Variants in NRP1 observed in about 807,000 individuals in gnomAD.
The protein encoded by NRP1 is neuropilin 1.
In NRP1, 35 loss-of-function variants were observed where a neutral mutation model predicts 106.7. That is an observed-to-expected ratio of 0.33 (90% CI 0.25 to 0.43). NRP1 has a LOEUF of 0.43. Ranked by LOEUF, NRP1 falls within the 20% of genes least tolerant of loss-of-function variation. The pLI is 1.00. For missense variants in NRP1, 1,024 were observed against 1,170.4 expected, an observed-to-expected ratio of 0.87 and a Z score of 1.83; for synonymous variants, 437 against 417.9, an observed-to-expected ratio of 1.05 and a Z score of -0.56.
Position 33,317,570 on chromosome 10 carries a change from T to C in NRP1, c.248+13138A>G, listed in dbSNP as rs145172316. 4.1e-4 allele frequency among the ~76,000 whole-genome samples: 62 copies of C among 152,360 alleles called. No homozygotes were observed. The East Asian group carries it at 0.011, about 28-fold the overall frequency. ...TGACACTATTTTGTTGAATGGATTGTCAAGGACTGGCAACCCTGTGTAATA... is the reference window on the plus strand; with the variant it reads ...TGACACTATTTTGTTGAATGGATTGCCAAGGACTGGCAACCCTGTGTAATA... On this transcript the variant is annotated intron_variant, in intron 2 of 16. Transcript: ENST00000374867.
chr10:33,237,214 G>A (rs1295078323), intron 6 of NRP1, among the ~76,000 whole-genome samples: 1 of 152,216 alleles, frequency 6.6e-6, no homozygotes, highest in East Asian at 1.9e-4. Flanking sequence ...CACATTTACT[G>A]TATGCCAGGA....
chr10:33,298,811 G>A (rs749578507), intron 2 of NRP1, among the ~76,000 whole-genome samples: 3 of 152,106 alleles, frequency 2.0e-5, no homozygotes, highest in Non-Finnish European at 4.4e-5. Flanking sequence ...ATACCACCAG[G>A]CACACCGTAG....
At chr10:33,201,680 G>A (rs1026110938) in intron 11 of NRP1, 1 of 152,130 alleles carries the variant, frequency 6.6e-6, no homozygotes, top group Non-Finnish European at 1.5e-5. Context: ...AAAGCTCATA[G>A]CAATGTGACA....
chr10:33,248,332 T>A (rs1168342498), intron 6 of NRP1, among the ~76,000 whole-genome samples: 3 of 152,116 alleles, frequency 2.0e-5, no homozygotes, highest in African/African-American at 7.2e-5. Context: ...TATGGAAACA[T>A]AAGATTTCGT....
intron 2 of NRP1, among the ~76,000 whole-genome samples, chr10:33,284,238 G>A (rs138800687): frequency 6.6e-6 from 1 of 152,262 alleles, no homozygotes; most frequent in East Asian, 1.9e-4. Context: ...CTAAAAACCA[G>A]AATATGTAAA....
intron 2 of NRP1, among the ~76,000 whole-genome samples, chr10:33,276,599 T>C (rs944894187): frequency 6.6e-5 from 10 of 152,216 alleles, no homozygotes; most frequent in African/African-American, 2.2e-4. Context: ...ACACTTTTTA[T>C]GCTTTTAATA....
At chr10:33,191,128 G>T (rs1209819919) in intron 13 of NRP1, among the ~76,000 whole-genome samples, 5 of 152,196 alleles carry the variant, frequency 3.3e-5, no homozygotes, top group African/African-American at 1.2e-4. Context: ...AAAGTGCTGG[G>T]ATTACAGGTG....
chr10:33,235,731 G>A (rs941977680), intron 6 of NRP1, among the ~76,000 whole-genome samples: 1 of 152,190 alleles, frequency 6.6e-6, no homozygotes, highest in Non-Finnish European at 1.5e-5. Flanking sequence ...AAAATGAAAT[G>A]GTGCTGGGGT....
At chr10:33,241,965 TAGACACTTTAA>T (rs1841059419) in intron 6 of NRP1, among the ~76,000 whole-genome samples, 2 of 152,230 alleles carry the variant, frequency 1.3e-5, no homozygotes, top group African/African-American at 2.4e-5. Context: ...ATTCGAAATC[TAGACACTTTAA>T]AGAAAGATAA....
chr10:33,180,177 T>C lies in NRP1; in HGVS notation c.2671A>G (p.Arg891Gly). Reference sequence around the variant, plus strand: ...TAGTTCTCCAGGGCAGACAAGTTTCTTTCTGACATCCCATTATGCCAACAG... The same window carrying C: ...TAGTTCTCCAGGGCAGACAAGTTTCCTTCTGACATCCCATTATGCCAACAG... ...CACWHNGMSE[R>G]NLSALENYNF... The change falls in exon 17 of 17, where the codon AGA becomes GGA. Residue 891 changes from arginine (R) to glycine (G), a missense_variant. By Grantham distance (125) the Arg-to-Gly change is moderately radical. Around this residue, in one of 5 missense-constraint regions of NRP1, gnomAD observed 164 missense variants for 161.4 expected, o/e 1.02. Coordinates refer to ENST00000374867, the MANE Select transcript of NRP1 (RefSeq NM_003873.7). 2 of 1,614,162 alleles carry C rather than the reference T, an allele frequency of 1.2e-6. No homozygotes were observed. The highest frequency in any genetic ancestry group is 1.7e-6 in the Non-Finnish European group (2 of 1,180,030).
chr10:33,269,774 C>A (rs1843168566), intron 3 of NRP1, among the ~76,000 whole-genome samples: 1 of 152,040 alleles, frequency 6.6e-6, no homozygotes. Flanking sequence ...GAGCGCAAAC[C>A]CTATTGTGAA....
At chr10:33,255,424 G>A (rs1415666525) in intron 5 of NRP1, among the ~76,000 whole-genome samples, 5 of 152,138 alleles carry the variant, frequency 3.3e-5, no homozygotes, top group Non-Finnish European at 7.4e-5. Flanking sequence ...AGCTAGAGCT[G>A]ATAATTGCAC....
intron 4 of NRP1, among the ~76,000 whole-genome samples, chr10:33,261,314 A>C (rs1465128246): frequency 6.6e-6 from 1 of 152,230 alleles, no homozygotes; most frequent in Non-Finnish European, 1.5e-5. Flanking sequence ...CTTCTAAATA[A>C]GTTGATTGAT....
chr10:33,267,591 C>T (rs73251998), intron 3 of NRP1, among the ~76,000 whole-genome samples: 15,785 of 152,040 alleles, frequency 0.1, 934 homozygotes, highest in Middle Eastern at 0.21. Context: ...CACCCACCCC[C>T]GTCCCCCGTC....
chr10:33,231,303 G>T (rs929627670), intron 6 of NRP1, among the ~76,000 whole-genome samples: 1 of 152,074 alleles, frequency 6.6e-6, no homozygotes, highest in Non-Finnish European at 1.5e-5. Flanking sequence ...ACTAATAAAT[G>T]CCTACTGAAA....
intron 6 of NRP1, among the ~76,000 whole-genome samples, chr10:33,244,987 C>G (rs936870302): frequency 6.6e-6 from 1 of 152,126 alleles, no homozygotes; most frequent in African/African-American, 2.4e-5. Flanking sequence ...TAGCTAAAAA[C>G]AGTTCACTTT....
intron 6 of NRP1, among the ~76,000 whole-genome samples, chr10:33,251,166 T>C (rs1841829949): frequency 6.6e-6 from 1 of 152,246 alleles, no homozygotes; most frequent in East Asian, 1.9e-4. Flanking sequence ...TCTCATGAGA[T>C]CTGATGGTTT....
intron 2 of NRP1, among the ~76,000 whole-genome samples, chr10:33,302,489 T>A (rs1845870701): frequency 6.6e-6 from 1 of 152,222 alleles, no homozygotes; most frequent in Non-Finnish European, 1.5e-5. Flanking sequence ...GAACTTCCCC[T>A]AAATTGCCAG....
At chr10:33,182,663 A>C in intron 16 of NRP1, 35 bp downstream of exon 16, 1 of 1,503,974 alleles carries the variant, frequency 6.6e-7, no homozygotes. Flanking sequence ...GCCATAGTAA[A>C]ATTTTTTAAA....
Sources: gnomAD v4.1 joint callset for allele counts (sites outside exome capture counted in the v4.1 genomes callset) on GRCh38, gnomAD v4.1.1 for gene constraint, gnomAD v4.1.1 regional missense constraint, MANE v1.5 for transcripts, NCBI Gene and HGNC (gene_info 2026-07-23, HGNC 2026-07-21) for gene names.